MEGF9: variants seen among roughly 807,000 people sequenced by gnomAD.
MEGF9 encodes the protein multiple EGF like domains 9.
MEGF9 carries 6 observed loss-of-function variants against 46.8 expected under a neutral mutation model. The ratio of observed to expected loss-of-function variants is 0.13; its 90% CI spans 0.07 to 0.25. The LOEUF (loss-of-function observed/expected upper bound fraction) is 0.25. Ranked by LOEUF, MEGF9 falls within the 10% of genes least tolerant of loss-of-function variation. The pLI is 1.00. For missense variants in MEGF9, 683 were observed against 792.4 expected (o/e 0.86, Z 1.66); for synonymous variants, 302 against 330.7 (o/e 0.91, Z 0.94).
chr9:120,703,468 C>T (rs1318199827), intron 1 of MEGF9, among the ~76,000 whole-genome samples: 1 of 152,172 alleles, frequency 6.6e-6, no homozygotes, highest in Non-Finnish European at 1.5e-5. Context: ...GATTTAACTA[C>T]TGCATTGTTT....
intron 1 of MEGF9, among the ~76,000 whole-genome samples, chr9:120,662,633 C>G (rs2043707622): frequency 6.6e-6 from 1 of 152,170 alleles, no homozygotes; most frequent in Admixed American, 6.5e-5. Flanking sequence ...GTAGCTATAC[C>G]ACTCAGTCCC....
chr9:120,641,793 C>A (rs1363346250), intron 2 of MEGF9, among the ~76,000 whole-genome samples: 2 of 152,184 alleles, frequency 1.3e-5, no homozygotes, highest in Non-Finnish European at 2.9e-5. Context: ...TACTTACTTT[C>A]CACTTCCAGG....
intron 1 of MEGF9, chr9:120,689,890 T>C (rs555824847): frequency 1.4e-5 from 7 of 512,916 alleles, no homozygotes; most frequent in Admixed American, 1.3e-4. Context: ...CTGATAACAA[T>C]TTTCATCCTC....
At chr9:120,617,619 A>G (rs1448230684) in intron 3 of MEGF9, among the ~76,000 whole-genome samples, 1 of 152,228 alleles carries the variant, frequency 6.6e-6, no homozygotes, top group Non-Finnish European at 1.5e-5. Flanking sequence ...GGGCTTAAGC[A>G]TGAAAATGAC....
At chr9:120,662,020 A>G (rs2043704708) in intron 1 of MEGF9, among the ~76,000 whole-genome samples, 1 of 152,220 alleles carries the variant, frequency 6.6e-6, no homozygotes, top group South Asian at 2.1e-4. Context: ...ATTTTCTACA[A>G]TAAAAACTAT....
chr9:120,636,427 T>C (rs2043574639), intron 2 of MEGF9, among the ~76,000 whole-genome samples: 1 of 152,242 alleles, frequency 6.6e-6, no homozygotes, highest in African/African-American at 2.4e-5. Flanking sequence ...TGGCATAGGC[T>C]GTACACATTT....
intron 2 of MEGF9, among the ~76,000 whole-genome samples, chr9:120,640,165 C>T (rs773913416): frequency 6.6e-6 from 1 of 152,156 alleles, no homozygotes; most frequent in Non-Finnish European, 1.5e-5. Flanking sequence ...TTTTGCTTTA[C>T]ATACTACCCC....
Position 120,714,096 on chromosome 9 carries a change from T to C in MEGF9, c.263A>G (p.His88Arg), listed in dbSNP as rs2043966769. ...PRTGPPRATV[H>R]RPLAATSPAQ... Reference sequence around the variant, plus strand: ...TGGAGAAGTCGCAGCCAGGGGTCGGTGGACGGTGGCGCGCGGGGGCCCGGT... The same window carrying C: ...TGGAGAAGTCGCAGCCAGGGGTCGGCGGACGGTGGCGCGCGGGGGCCCGGT... The change falls in exon 1 of 6, where the codon CAC becomes CGC. Residue 88 changes from histidine (H) to arginine (R), a missense_variant. Physicochemically the swap from His to Arg is conservative, Grantham distance 29. Around this residue, in one of 2 missense-constraint regions of MEGF9, gnomAD observed 370 missense variants for 371.3 expected, o/e 1.00. Coordinates refer to ENST00000373930, the MANE Select transcript of MEGF9 (RefSeq NM_001080497.3). 1 of 1,251,856 alleles carries C rather than the reference T, an allele frequency of 8.0e-7. No homozygotes were observed. The highest frequency in any genetic ancestry group is 3.5e-5 in the South Asian group (1 of 28,756). The allele number at this position is 1,251,856 out of a possible 1,614,324, so 77.5% of individuals were successfully genotyped here.
intron 1 of MEGF9, among the ~76,000 whole-genome samples, chr9:120,676,735 C>A (rs971456477): frequency 6.6e-6 from 1 of 152,080 alleles, no homozygotes; most frequent in African/African-American, 2.4e-5. Flanking sequence ...TATCTTAATC[C>A]CTAGGTAAAC....
At chr9:120,711,629 C>T (rs1440736446) in intron 1 of MEGF9, among the ~76,000 whole-genome samples, 1 of 151,880 alleles carries the variant, frequency 6.6e-6, no homozygotes, top group Non-Finnish European at 1.5e-5. Flanking sequence ...TGAAAAATAA[C>T]AACACAAAAA....
intron 2 of MEGF9, among the ~76,000 whole-genome samples, chr9:120,623,180 T>G (rs533141038): frequency 6.6e-6 from 1 of 152,368 alleles, no homozygotes; most frequent in South Asian, 2.1e-4. Flanking sequence ...TCAAGTCTAT[T>G]CATACAAAGC....
chr9:120,697,238 A>G (rs2043881711), intron 1 of MEGF9, among the ~76,000 whole-genome samples: 1 of 152,176 alleles, frequency 6.6e-6, no homozygotes, highest in Admixed American at 6.5e-5. Context: ...ACAAGCCATT[A>G]TACCCAGCTA....
At chr9:120,679,633 AAGAG>A (rs1049436451) in intron 1 of MEGF9, among the ~76,000 whole-genome samples, 2 of 152,058 alleles carry the variant, frequency 1.3e-5, no homozygotes, top group African/African-American at 2.4e-5. Flanking sequence ...TTTAAAAAAA[AAGAG>A]AGAGAGACAG....
intron 1 of MEGF9, among the ~76,000 whole-genome samples, chr9:120,682,779 T>G (rs561759894): frequency 1.2e-3 from 178 of 152,230 alleles, no homozygotes; most frequent in African/African-American, 4.2e-3. Context: ...GACAGGATCT[T>G]GCTATGTTAA....
chr9:120,616,795 C>T (rs1449492922), intron 3 of MEGF9, among the ~76,000 whole-genome samples: 1 of 151,692 alleles, frequency 6.6e-6, no homozygotes, highest in East Asian at 1.9e-4. Context: ...CTGATTTTCA[C>T]TTTTCTAATC....
Position 120,607,845 on chromosome 9 carries a change from T to C in MEGF9, c.1253A>G (p.Glu418Gly). Residue 418 changes from glutamate (E) to glycine (G), a missense_variant, in exon 5 of 6, where the codon GAG (glutamate) becomes GGG (glycine). This residue lies in a region of MEGF9 where 313 missense variants were observed against 421.1 expected (regional missense o/e 0.74). Transcript: ENST00000373930. Reference sequence around the variant, plus strand: ...GAGGCAGTTGATGCACTCACCACTCTCGGGCTTACAAATCTTTGGAGTTTT... The same window carrying C: ...GAGGCAGTTGATGCACTCACCACTCCCGGGCTTACAAATCTTTGGAGTTTT... ...PVKTPKICKP[E>G]SGECINCLHN... The C allele has an allele frequency of 6.2e-7, 1 of 1,614,032 alleles. No individual in the cohort carries two copies. The highest frequency in any genetic ancestry group is 8.5e-7 in the Non-Finnish European group (1 of 1,179,890).
At chr9:120,613,240 C>G (rs967345632) in intron 3 of MEGF9, among the ~76,000 whole-genome samples, 13 of 151,784 alleles carry the variant, frequency 8.6e-5, no homozygotes, top group African/African-American at 3.1e-4. Context: ...ACTAAGCGCA[C>G]TAAGCAAATG....
intron 2 of MEGF9, among the ~76,000 whole-genome samples, chr9:120,626,851 T>C (rs1392276082): frequency 1.3e-5 from 2 of 152,182 alleles, no homozygotes; most frequent in Admixed American, 1.3e-4. Context: ...TTGTAGTATA[T>C]TAAAAATTGC....
At chr9:120,613,809 A>C (rs2043459421) in intron 3 of MEGF9, among the ~76,000 whole-genome samples, 2 of 152,208 alleles carry the variant, frequency 1.3e-5, no homozygotes, top group Non-Finnish European at 2.9e-5. Context: ...GAAATCTAGG[A>C]AGATAATGAC....
Sources: allele counts gnomAD v4.1 joint callset (sites outside exome capture counted in the v4.1 genomes callset), GRCh38; gene constraint gnomAD v4.1.1; regional missense constraint gnomAD v4.1.1; transcripts MANE v1.5; gene names NCBI Gene and HGNC (gene_info 2026-07-23, HGNC 2026-07-21).